SLC41A3: variants seen among roughly 807,000 people sequenced by gnomAD.
SLC41A3 encodes SLC41A1-like 2.
SLC41A3 carries 44 observed loss-of-function variants against 45.4 expected under a neutral mutation model. The observed-to-expected ratio is 0.97, with a 90% CI of 0.76 to 1.25. The LOEUF is 1.25. Ranked by LOEUF, SLC41A3 falls within the 50% of genes most tolerant of loss-of-function variation. The pLI is 0.00. For synonymous variants in SLC41A3, 256 were observed against 252.4 expected (o/e 1.01, Z -0.13); for missense variants, 550 against 600.6 (o/e 0.92, Z 0.88).
At chr3:126,074,679 TG>T (rs1246632420) in intron 1 of SLC41A3, among the ~76,000 whole-genome samples, 6 of 151,294 alleles carry the variant, frequency 4.0e-5, no homozygotes, top group East Asian at 3.9e-4. Context: ...GTTTGGTTGT[TG>T]TTTTTTTTTT....
intron 2 of SLC41A3, 64 bp from the exon 3 acceptor site, chr3:126,051,114 T>G (rs1943305355): frequency 6.9e-7 from 1 of 1,459,064 alleles, no homozygotes; most frequent in Non-Finnish European, 9.1e-7. Flanking sequence ...GGAAATTTCT[T>G]GAGAGAACCT....
chr3:126,087,180 A>G (rs1211713392), upstream of SLC41A3, among the ~76,000 whole-genome samples: 1 of 152,142 alleles, frequency 6.6e-6, no homozygotes, highest in Non-Finnish European at 1.5e-5. Flanking sequence ...TAAATAAGAC[A>G]TGGAATATGG....
At chr3:126,081,291 A>AT (rs1239718311) in intron 1 of SLC41A3, among the ~76,000 whole-genome samples, 2 of 152,202 alleles carry the variant, frequency 1.3e-5, no homozygotes, top group Non-Finnish European at 2.9e-5. Flanking sequence ...CCTCACTCAT[A>AT]TGTGAGCGCT....
At chr3:126,018,883 C>A (rs1033526237) in intron 6 of SLC41A3, among the ~76,000 whole-genome samples, 14 of 152,200 alleles carry the variant, frequency 9.2e-5, no homozygotes, top group African/African-American at 3.4e-4. Context: ...CTGAGCACTC[C>A]TTGAACTTGT....
chr3:126,055,891 CACACTGCA>C (rs1943627662), intron 2 of SLC41A3, among the ~76,000 whole-genome samples: 2 of 152,156 alleles, frequency 1.3e-5, no homozygotes, highest in South Asian at 4.1e-4. Context: ...GCGGGCTGGG[CACACTGCA>C]GCTCTGCCCA....
intron 7 of SLC41A3, among the ~76,000 whole-genome samples, chr3:126,015,863 G>A (rs187083043): frequency 1.3e-5 from 2 of 152,288 alleles, no homozygotes; most frequent in African/African-American, 4.8e-5. Flanking sequence ...CAGCTGGCTG[G>A]GCTGTCCCAA....
intron 6 of SLC41A3, among the ~76,000 whole-genome samples, chr3:126,020,967 T>C (rs545249784): frequency 0.015 from 2,328 of 152,136 alleles, 30 homozygotes; most frequent in Middle Eastern, 0.031. Context: ...CTATCCCGGC[T>C]CACTGCAAGC....
At chr3:126,015,701 C>A (rs983784583) in intron 7 of SLC41A3, 128 bp from the exon 8 acceptor site, 1 of 865,720 alleles carries the variant, frequency 1.2e-6, no homozygotes, top group African/African-American at 1.7e-5. Flanking sequence ...CTCCCCTACA[C>A]AAAATATCTG....
chr3:126,006,656 C>A lies in SLC41A3; in HGVS notation c.*360G>T. On this transcript the variant is annotated 3_prime_UTR_variant, in exon 11 of 11. Transcript: ENST00000360370. ...TCCTGCTCCACCCCAATCTGGGTTG[C>A]ATGGGCATGGAAAAGAGCAAACACA... is the stretch of plus-strand genomic sequence containing the variant. 6.7e-7 allele frequency: 1 copy of A among 1,503,056 alleles called. No individual in the cohort carries two copies. The highest frequency in any genetic ancestry group is 2.6e-5 in the Admixed American group (1 of 38,692). 93.1% of individuals were successfully genotyped at this position (1,503,056 alleles called of 1,614,324 possible).
chr3:126,081,631 A>G (rs1236810445), intron 1 of SLC41A3, among the ~76,000 whole-genome samples: 1 of 152,250 alleles, frequency 6.6e-6, no homozygotes, highest in Non-Finnish European at 1.5e-5. Context: ...TTATGTGTCA[A>G]TAAAATTTTT....
At chr3:126,014,441 T>G (rs1940057062) in intron 8 of SLC41A3, among the ~76,000 whole-genome samples, 1 of 152,218 alleles carries the variant, frequency 6.6e-6, no homozygotes, top group South Asian at 2.1e-4. Flanking sequence ...AAATGCATTC[T>G]GCAGCTTACC....
intron 2 of SLC41A3, among the ~76,000 whole-genome samples, chr3:126,057,425 C>A (rs1943742169): frequency 6.6e-6 from 1 of 152,208 alleles, no homozygotes; most frequent in South Asian, 2.1e-4. Context: ...TGGGTGTGTC[C>A]TCTGCGCATT....
intron 1 of SLC41A3, chr3:126,092,581 T>G (rs1945510196): frequency 6.5e-6 from 1 of 152,756 alleles, no homozygotes; most frequent in African/African-American, 2.4e-5. Flanking sequence ...TGGGTTAGAG[T>G]CTCCCCGACT....
At chr3:126,037,225 C>T (rs949894393) in intron 3 of SLC41A3, among the ~76,000 whole-genome samples, 43 of 152,304 alleles carry the variant, frequency 2.8e-4, no homozygotes, top group African/African-American at 1.0e-3. Flanking sequence ...GTGATGCCTG[C>T]TCCCCTTCGC....
chr3:126,031,109 G>C (rs1941765176), intron 4 of SLC41A3, among the ~76,000 whole-genome samples: 1 of 152,142 alleles, frequency 6.6e-6, no homozygotes, highest in African/African-American at 2.4e-5. Flanking sequence ...AAACAATACA[G>C]AAAACCATAT....
intron 2 of SLC41A3, among the ~76,000 whole-genome samples, chr3:126,054,710 C>T (rs1943550406): frequency 6.6e-6 from 1 of 151,942 alleles, no homozygotes; most frequent in South Asian, 2.1e-4. Flanking sequence ...ATCCCCTGGC[C>T]CCTAGGAAGA....
intron 3 of SLC41A3, among the ~76,000 whole-genome samples, chr3:126,039,713 T>C (rs1029224332): frequency 3.9e-5 from 6 of 152,240 alleles, no homozygotes; most frequent in Non-Finnish European, 7.3e-5. Context: ...TTTGAGGACA[T>C]ACGTTAAAAC....
Position 126,006,679 on chromosome 3 carries a change from A to C in SLC41A3, c.*337T>G. On this transcript the variant is annotated 3_prime_UTR_variant, in exon 11 of 11. Transcript: ENST00000360370. ...TGCATGGGCATGGAAAAGAGCAAAC[A>C]CACCCTGCAAAGCATACTGGACATG... 1 of 1,474,206 alleles carries C rather than the reference A, an allele frequency of 6.8e-7. No individual in the cohort carries two copies. The highest frequency in any genetic ancestry group is 1.5e-5 in the South Asian group (1 of 68,706). 91.3% of individuals were successfully genotyped at this position (1,474,206 alleles called of 1,614,324 possible).
intron 10 of SLC41A3, among the ~76,000 whole-genome samples, chr3:126,008,047 C>A (rs1875682): frequency 0.24 from 37,211 of 152,196 alleles, 4,773 homozygotes; most frequent in Non-Finnish European, 0.27. Context: ...GGGGTCTGGC[C>A]CTGCCCACCC....
Sources: gnomAD v4.1 joint callset for allele counts (sites outside exome capture counted in the v4.1 genomes callset) on GRCh38, gnomAD v4.1.1 for gene constraint, MANE v1.5 for transcripts, NCBI Gene and HGNC (gene_info 2026-07-23, HGNC 2026-07-21) for gene names.